RAB30: variants seen among roughly 807,000 people sequenced by gnomAD.
The protein encoded by RAB30 is ras-related protein Rab-30.
Under a neutral mutation model 25.1 loss-of-function variants are expected in RAB30, and 9 were observed. That is an observed-to-expected ratio of 0.36 (90% confidence interval 0.22 to 0.63). The LOEUF (loss-of-function observed/expected upper bound fraction) is 0.63, where lower values mean the gene tolerates loss of function less well. RAB30 is among the 20% of genes least tolerant of loss of function. The pLI is 0.69. For missense variants in RAB30, 140 were observed against 243.5 expected, an observed-to-expected ratio of 0.58 and a Z score of 2.83; for synonymous variants, 77 against 86.4, an observed-to-expected ratio of 0.89 and a Z score of 0.60.
At chr11:83,069,150 T>C (rs537407809) in intron 1 of RAB30, among the ~76,000 whole-genome samples, 30 of 152,256 alleles carry the variant, frequency 2.0e-4, no homozygotes, top group African/African-American at 7.0e-4. Flanking sequence ...TTATTTAAGG[T>C]CCCAGAGACA....
At chr11:82,997,954 G>A (rs1391101805) in intron 1 of RAB30, among the ~76,000 whole-genome samples, 1 of 152,132 alleles carries the variant, frequency 6.6e-6, no homozygotes, top group East Asian at 1.9e-4. Flanking sequence ...GCTTTGGTAT[G>A]TGCCATTTCT....
At chr11:83,027,920 T>G (rs1232210054) in intron 1 of RAB30, among the ~76,000 whole-genome samples, 1 of 152,206 alleles carries the variant, frequency 6.6e-6, no homozygotes, top group African/African-American at 2.4e-5. Context: ...CTTTTGTGAG[T>G]GACTTCTTTC....
At chr11:82,985,707 T>A (rs1455578130) in intron 4 of RAB30, among the ~76,000 whole-genome samples, 1 of 149,402 alleles carries the variant, frequency 6.7e-6, no homozygotes, top group African/African-American at 2.5e-5. Flanking sequence ...ATATGGACCT[T>A]ACTTGGCTTT....
intron 1 of RAB30, among the ~76,000 whole-genome samples, chr11:83,017,421 GT>G (rs759490968): frequency 3.9e-5 from 6 of 152,062 alleles, no homozygotes; most frequent in African/African-American, 1.4e-4. Flanking sequence ...GGAACAGGTG[GT>G]TTTTTGTTAC....
chr11:83,016,308 A>G (rs1857437282), intron 1 of RAB30, among the ~76,000 whole-genome samples: 1 of 152,188 alleles, frequency 6.6e-6, no homozygotes, highest in African/African-American at 2.4e-5. Flanking sequence ...AACTTATGTA[A>G]GTGCTTCTGA....
rs1856620836 is a variant in RAB30, at chr11:82,980,622, G to A, written c.*1543C>T. 6.6e-6 allele frequency: 1 copy of A among 152,206 alleles called. No individual in the cohort carries two copies. Among genetic ancestry groups the A allele is most frequent in the African/African-American group, 2.4e-5 (1 of 41,442 alleles). The allele number at this position is 152,206 out of a possible 1,614,324, so 9.4% of individuals were successfully genotyped here. ...ACAGAAACATCTGACAGCATCAACA[G>A]CATACAGGTTTAATTATTTTCCCAA... On this transcript the variant is annotated 3_prime_UTR_variant, in exon 5 of 5. Coordinates refer to ENST00000527633, the MANE Select transcript of RAB30 (RefSeq NM_001286060.2).
chr11:83,056,731 G>A (rs760318439), intron 1 of RAB30, among the ~76,000 whole-genome samples: 17 of 152,116 alleles, frequency 1.1e-4, no homozygotes, highest in East Asian at 3.8e-4. Context: ...CTAGTCATAC[G>A]ATCTTAGGCA....
chr11:83,033,455 A>G (rs1406107146), intron 1 of RAB30, among the ~76,000 whole-genome samples: 1 of 152,218 alleles, frequency 6.6e-6, no homozygotes, highest in African/African-American at 2.4e-5. Flanking sequence ...GGCAAGCTAG[A>G]GTGACAGGTC....
At chr11:83,017,013 A>G (rs1346692880) in intron 1 of RAB30, among the ~76,000 whole-genome samples, 2 of 152,136 alleles carry the variant, frequency 1.3e-5, no homozygotes, top group African/African-American at 4.8e-5. Flanking sequence ...GTAAGTGGAA[A>G]AACTTGAGGG....
chr11:83,039,091 A>C (rs1189830067), intron 1 of RAB30: 2 of 152,218 alleles, frequency 1.3e-5, no homozygotes, highest in African/African-American at 4.8e-5. Context: ...AAAGACAAAG[A>C]AAACCATATT....
chr11:82,991,413 G>A (rs1856847884), intron 3 of RAB30, among the ~76,000 whole-genome samples: 1 of 149,182 alleles, frequency 6.7e-6, no homozygotes, highest in African/African-American at 2.5e-5. Context: ...AGGCTGAGGT[G>A]AGAGGATCAC....
At chr11:83,001,817 A>G (rs1207075999) in intron 1 of RAB30, among the ~76,000 whole-genome samples, 1 of 152,150 alleles carries the variant, frequency 6.6e-6, no homozygotes, top group Non-Finnish European at 1.5e-5. Flanking sequence ...TAGGGAGTAG[A>G]CACGCCACAA....
rs1413431226 is a variant in RAB30 at position 82,976,062 on chromosome 11, C to T, written c.*6103G>A. 6.6e-6 allele frequency: 1 copy of T among 152,092 alleles called. No individual in the cohort carries two copies. Among genetic ancestry groups the T allele is most frequent in the Non-Finnish European group, 1.5e-5 (1 of 68,024 alleles). 9.4% of individuals were successfully genotyped at this position (152,092 alleles called of 1,614,324 possible). On this transcript the variant is annotated 3_prime_UTR_variant, in exon 5 of 5. Transcript: ENST00000527633. ...CCTATTGGGAGAGAGAGAGAGACCA[C>T]CTTGCCTGAAGTTTGTAAAGAAATG...
At chr11:83,070,849 T>C (rs1474499273) in intron 1 of RAB30, among the ~76,000 whole-genome samples, 1 of 152,202 alleles carries the variant, frequency 6.6e-6, no homozygotes, top group African/African-American at 2.4e-5. Context: ...GAACCCCTCT[T>C]CCCTAATCGA....
chr11:82,983,980 T>C (rs1416551224), intron 4 of RAB30, among the ~76,000 whole-genome samples: 1 of 152,176 alleles, frequency 6.6e-6, no homozygotes, highest in African/African-American at 2.4e-5. Flanking sequence ...AAAAAGGAAA[T>C]ATAAATATAA....
intron 1 of RAB30, among the ~76,000 whole-genome samples, chr11:83,006,573 A>G (rs1322681952): frequency 6.6e-6 from 1 of 152,240 alleles, no homozygotes; most frequent in East Asian, 1.9e-4. Flanking sequence ...TTTCTAGGAA[A>G]GAAGATAACC....
chr11:83,043,378 TAGA>T (rs1176813764), intron 1 of RAB30, among the ~76,000 whole-genome samples: 1 of 152,138 alleles, frequency 6.6e-6, no homozygotes, highest in Non-Finnish European at 1.5e-5. Context: ...TAATCCACAT[TAGA>T]AGAACCACCC....
chr11:82,987,488 A>G, intron 4 of RAB30, 99 bp downstream of exon 4: 2 of 1,210,352 alleles, frequency 1.7e-6, no homozygotes, highest in Non-Finnish European at 2.3e-6. Context: ...TATTAGCTAA[A>G]GACTATATTC....
intron 1 of RAB30, among the ~76,000 whole-genome samples, chr11:83,050,255 T>C (rs193010025): frequency 7.0e-6 from 1 of 143,800 alleles, no homozygotes; most frequent in African/African-American, 2.6e-5. Flanking sequence ...GACCATGTCT[T>C]AAAAAAAAAA....
Sources: gnomAD v4.1 joint callset for allele counts (sites outside exome capture counted in the v4.1 genomes callset) on GRCh38, gnomAD v4.1.1 for gene constraint, MANE v1.5 for transcripts, NCBI Gene and HGNC (gene_info 2026-07-23, HGNC 2026-07-21) for gene names.